Variants in KIAA1210 observed in about 807,000 individuals in gnomAD.
KIAA1210 encodes KIAA1210, also known as acrosomal protein KIAA1210.
Under a neutral mutation model 78.9 loss-of-function variants are expected in KIAA1210, and 48 were observed. The ratio of observed to expected loss-of-function variants is 0.61; its 90% CI spans 0.48 to 0.77. The LOEUF (loss-of-function observed/expected upper bound fraction) is 0.77, where lower values mean the gene tolerates loss of function less well. KIAA1210 is among the 30% of genes least tolerant of loss of function. The pLI is 0.00. For synonymous variants in KIAA1210, 406 were observed against 404.5 expected, an observed-to-expected ratio of 1.00 and a Z score of -0.04; for missense variants, 1,108 against 1,100.0, an observed-to-expected ratio of 1.01 and a Z score of -0.10.
chrX:119,125,735 A>ATATATATATATATATATATATATATATAT (rs5903546), intron 1 of KIAA1210, among the ~76,000 whole-genome samples: 1 of 15,792 alleles, frequency 6.3e-5, no homozygotes, highest in African/African-American at 2.6e-4. Flanking sequence ...ATATATATAT[A>ATATATATATATATATATATATATATATAT]TTTTTTTTTT....
chrX:119,143,884 C>A (rs1404345399), intron 2 of KIAA1210, among the ~76,000 whole-genome samples: 1 of 112,459 alleles, frequency 8.9e-6, no homozygotes, highest in Non-Finnish European at 1.9e-5. Flanking sequence ...AAGGTTAAGG[C>A]ATTCACCCAT....
Position 119,089,562 on chromosome X carries a change from G to T in KIAA1210, c.1140C>A (p.Ser380Arg), listed in dbSNP as rs1361205656. Residue 380 changes from serine to arginine, a missense_variant, in exon 9 of 12, where the codon AGC becomes AGA. Ser to Arg is a moderately radical substitution (Grantham distance 110, BLOSUM62 -1). This residue lies in a region of KIAA1210 where 672 missense variants were observed against 607.1 expected (regional missense o/e 1.11). Coordinates refer to ENST00000691062, the MANE Select transcript of KIAA1210 (RefSeq NM_001394962.1). The part of the protein sequence containing the change: ...GLSGCEFKGR[S>R]LKQSSEGYGL... ...CATACCCTTCACTGGATTGTTTAAG[G>T]CTTCTTCCTTTGAATTCACACCCAC... 1 of 1,211,193 alleles carries T rather than the reference G, an allele frequency of 8.3e-7. No homozygotes were observed. Among genetic ancestry groups the T allele is most frequent in the Non-Finnish European group, 1.1e-6 (1 of 895,276 alleles).
chrX:119,096,727 G>A (rs367752694), intron 6 of KIAA1210, 36 bp from the exon 7 acceptor site: 133 of 1,042,418 alleles, frequency 1.3e-4, no homozygotes, highest in East Asian at 7.7e-4. Context: ...GAGTCAACCC[G>A]TATGCTGTTA....
At chrX:119,150,697 G>T, upstream of KIAA1210, 1 of 812,127 alleles carries the variant, frequency 1.2e-6, no homozygotes, top group South Asian at 2.5e-5. Flanking sequence ...ACACCTGCGC[G>T]AGCTCTCCCA....
chrX:119,145,544 C>A (rs1290223475), intron 2 of KIAA1210, among the ~76,000 whole-genome samples: 1 of 111,045 alleles, frequency 9.0e-6, no homozygotes, highest in African/African-American at 3.3e-5. Context: ...AGCCACAGAC[C>A]ACTACCAGTC....
intron 2 of KIAA1210, among the ~76,000 whole-genome samples, chrX:119,139,975 G>A (rs1267648948): frequency 8.9e-6 from 1 of 111,733 alleles, no homozygotes; most frequent in Non-Finnish European, 1.9e-5. Flanking sequence ...CCCCTAAGGA[G>A]TAAGGGGTTG....
intron 3 of KIAA1210, among the ~76,000 whole-genome samples, chrX:119,112,988 C>T (rs751741400): frequency 2.7e-5 from 3 of 111,928 alleles, no homozygotes; most frequent in African/African-American, 9.7e-5. Context: ...TATAGTCATG[C>T]AATGGACAGT....
At chrX:119,119,329 G>C (rs979210694) in intron 2 of KIAA1210, among the ~76,000 whole-genome samples, 1 of 112,120 alleles carries the variant, frequency 8.9e-6, no homozygotes, top group Admixed American at 9.5e-5. Flanking sequence ...AAAGATTATA[G>C]AACTGTTTGC....
intron 2 of KIAA1210, among the ~76,000 whole-genome samples, chrX:119,118,843 G>A (rs1396946025): frequency 8.9e-6 from 1 of 112,528 alleles, no homozygotes; most frequent in Non-Finnish European, 1.9e-5. Context: ...TACTTACCAT[G>A]TTCTGGGTAT....
upstream of KIAA1210, among the ~76,000 whole-genome samples, chrX:119,131,627 A>T (rs757201583): frequency 8.9e-6 from 1 of 112,862 alleles, no homozygotes; most frequent in African/African-American, 3.2e-5. Context: ...CAGATAATAG[A>T]AGCCAGAGAG....
At chrX:119,116,769 G>T in intron 2 of KIAA1210, 105 bp from the exon 3 acceptor site, 1 of 704,718 alleles carries the variant, frequency 1.4e-6, no homozygotes, top group Non-Finnish European at 2.1e-6. Flanking sequence ...TCCCACCCAG[G>T]TGTCCTGCAG....
intron 2 of KIAA1210, among the ~76,000 whole-genome samples, chrX:119,119,975 C>CA (rs11342308): frequency 0.04 from 1,438 of 35,568 alleles, 30 homozygotes; most frequent in Non-Finnish European, 0.074. Context: ...GACTCCATCT[C>CA]AAAAAAAAAA....
intron 3 of KIAA1210, among the ~76,000 whole-genome samples, chrX:119,116,234 G>A (rs1004053558): frequency 1.8e-5 from 2 of 112,277 alleles, no homozygotes; most frequent in Non-Finnish European, 3.8e-5. Flanking sequence ...CTCTTATTCA[G>A]TGCTCTCGGG....
intron 11 of KIAA1210, among the ~76,000 whole-genome samples, chrX:119,082,126 G>A (rs1192717271): frequency 1.8e-5 from 2 of 111,727 alleles, no homozygotes; most frequent in African/African-American, 6.5e-5. Context: ...GAATCACCTA[G>A]GGCTCTTTTA....
At chrX:119,141,955 A>C (rs983488421) in intron 2 of KIAA1210, among the ~76,000 whole-genome samples, 1 of 112,700 alleles carries the variant, frequency 8.9e-6, no homozygotes, top group Non-Finnish European at 1.9e-5. Context: ...CTAAGCAGAT[A>C]TGCTTTTGTC....
upstream of KIAA1210, among the ~76,000 whole-genome samples, chrX:119,131,772 C>T (rs1443271941): frequency 8.9e-6 from 1 of 112,036 alleles, no homozygotes. Context: ...AGCTAACAGC[C>T]ATCAAGAAAC....
rs752171889 is a variant in KIAA1210, at chrX:119,095,096, C to T, written c.847-1321G>A. Among the ~76,000 whole-genome samples the T allele has an allele frequency of 6.0e-4, 67 of 112,264 alleles. No individual in the cohort carries two copies. The Middle Eastern group carries it at 0.014, about 23-fold the overall frequency. On this transcript the variant is annotated intron_variant, in intron 7 of 11. Transcript: ENST00000691062. ...AAAACCTAAAGTGAAATTGAGATGC[C>T]TAAGCTAGAGGCAAGATGGTGGGAT...
At chrX:119,146,253 A>C (rs1427449041) in intron 2 of KIAA1210, among the ~76,000 whole-genome samples, 1 of 112,333 alleles carries the variant, frequency 8.9e-6, no homozygotes, top group Non-Finnish European at 1.9e-5. Flanking sequence ...TCCACAATGT[A>C]TACATATATC....
At chrX:119,115,227 T>TC (rs1195629702) in intron 3 of KIAA1210, among the ~76,000 whole-genome samples, 2 of 107,138 alleles carry the variant, frequency 1.9e-5, no homozygotes, top group Admixed American at 1.0e-4. Context: ...CACAAAAAAA[T>TC]CCCCCCCTTC....
Sources: allele counts gnomAD v4.1 joint callset (sites outside exome capture counted in the v4.1 genomes callset), GRCh38; gene constraint gnomAD v4.1.1; regional missense constraint gnomAD v4.1.1; transcripts MANE v1.5; gene names NCBI Gene and HGNC (gene_info 2026-07-23, HGNC 2026-07-21).